The following GREB1 variants were observed in gnomAD, a reference collection of about 807,000 sequenced individuals.
GREB1 encodes the protein growth regulating estrogen receptor binding 1, also known as protein GREB1.
In GREB1, 106 loss-of-function variants were observed where a neutral mutation model predicts 200.7. The ratio of observed to expected loss-of-function variants is 0.53; its 90% confidence interval spans 0.45 to 0.62. The LOEUF (loss-of-function observed/expected upper bound fraction) is 0.62, where lower values mean the gene tolerates loss of function less well. Among genes scored for constraint, GREB1 ranks in the 20% least tolerant of loss-of-function variants. The pLI, the probability that GREB1 is intolerant of heterozygous loss-of-function variation, is 0.00. For missense variants in GREB1, 2,243 were observed against 2,556.8 expected (o/e 0.88, Z 2.65); for synonymous variants, 1,132 against 1,092.4 (o/e 1.04, Z -0.72).
intron 1 of GREB1, among the ~76,000 whole-genome samples, chr2:11,551,261 C>T (rs1412972119): frequency 1.3e-5 from 2 of 152,208 alleles, no homozygotes; most frequent in African/African-American, 4.8e-5. Flanking sequence ...CACATCTGAT[C>T]ACCTCCCATG....
At chr2:11,615,611 C>G (rs1210089661) in intron 20 of GREB1, among the ~76,000 whole-genome samples, 1 of 152,158 alleles carries the variant, frequency 6.6e-6, no homozygotes, top group Non-Finnish European at 1.5e-5. Context: ...AGTTCAAGTT[C>G]AAAATTTCTT....
intron 1 of GREB1, among the ~76,000 whole-genome samples, chr2:11,495,366 C>T (rs1672857638): frequency 6.6e-6 from 1 of 152,040 alleles, no homozygotes; most frequent in African/African-American, 2.4e-5. Context: ...TATGAACCTG[C>T]CATTTTTGTA....
chr2:11,550,404 G>A (rs1023513570), intron 1 of GREB1, among the ~76,000 whole-genome samples: 1 of 152,152 alleles, frequency 6.6e-6, no homozygotes, highest in African/African-American at 2.4e-5. Flanking sequence ...GGGACATTGC[G>A]TCATTTGAGT....
intron 19 of GREB1, among the ~76,000 whole-genome samples, chr2:11,614,532 A>G (rs1683221160): frequency 6.6e-6 from 1 of 152,008 alleles, no homozygotes; most frequent in Non-Finnish European, 1.5e-5. Context: ...AGCAGAGCTC[A>G]GGTTCAAGCC....
intron 1 of GREB1, among the ~76,000 whole-genome samples, chr2:11,551,327 T>C (rs1297697940): frequency 6.6e-6 from 1 of 152,240 alleles, no homozygotes; most frequent in Non-Finnish European, 1.5e-5. Flanking sequence ...AGCAACTTTT[T>C]GTGCCTCACT....
intron 1 of GREB1, among the ~76,000 whole-genome samples, chr2:11,504,868 G>A (rs1228030392): frequency 6.6e-6 from 1 of 152,158 alleles, no homozygotes; most frequent in African/African-American, 2.4e-5. Context: ...AGCACTTTGG[G>A]CCACCTTATT....
At position 11,603,393 on chromosome 2, in the gene GREB1, T is replaced by G. The variant is rs147784713; in HGVS notation, c.2666+851T>G. On this transcript the variant is annotated intron_variant, in intron 17 of 32. Coordinates refer to ENST00000381486, the MANE Select transcript of GREB1 (RefSeq NM_014668.4). ...TTAGACATATCCTTCTCAAGCTATG[T>G]TCCAAGGTATACTGCTTTGGCTGGA... 5.8e-3 allele frequency among the ~76,000 whole-genome samples: 883 copies of G among 152,348 alleles called. 9 individuals are homozygous for G. Among genetic ancestry groups the G allele is most frequent in the African/African-American group, 0.02 (822 of 41,590 alleles).
intron 8 of GREB1, 133 bp from the exon 9 acceptor site, chr2:11,585,629 C>T (rs915329156): frequency 3.3e-6 from 3 of 915,670 alleles, no homozygotes; most frequent in Non-Finnish European, 1.7e-6. Flanking sequence ...ATCTGTGACT[C>T]TAAGAGTTTG....
At chr2:11,524,948 C>T (rs956136200) in intron 1 of GREB1, among the ~76,000 whole-genome samples, 7 of 152,162 alleles carry the variant, frequency 4.6e-5, no homozygotes, top group African/African-American at 1.7e-4. Flanking sequence ...GTAAAGCGGC[C>T]GTGTTCTTTT....
chr2:11,607,158 G>A (rs1319757600), intron 17 of GREB1, among the ~76,000 whole-genome samples: 3 of 151,762 alleles, frequency 2.0e-5, no homozygotes, highest in Admixed American at 6.6e-5. Context: ...ATCATAGTTC[G>A]TTGTAACCTC....
intron 1 of GREB1, among the ~76,000 whole-genome samples, chr2:11,518,295 C>T (rs775738429): frequency 2.9e-4 from 44 of 152,092 alleles, no homozygotes; most frequent in Middle Eastern, 3.2e-3. Context: ...TAAAAAAATT[C>T]GTGTATAGGA....
At chr2:11,623,057 G>A (rs765290259) in intron 23 of GREB1, among the ~76,000 whole-genome samples, 4 of 152,208 alleles carry the variant, frequency 2.6e-5, no homozygotes, top group South Asian at 2.1e-4. Context: ...TCCTTTGTGC[G>A]CATTTAAAAT....
In GREB1 at chr2:11,556,767, A is replaced by G; in HGVS notation, c.153A>G (p.Leu51=). 3 of 1,613,514 alleles carry G rather than the reference A, an allele frequency of 1.9e-6. No individual in the cohort carries two copies. Among genetic ancestry groups the G allele is most frequent in the Non-Finnish European group, 2.5e-6 (3 of 1,179,732 alleles). ...AAGCTGAGCAGCAGCTTGCCGCTCT[A>G]GAAGGTGGGAGACGCACGTTGCTTT... ...YLEAEQQLAA[L]EGGSRVDNEE... Residue 51 remains leucine (L), a synonymous_variant, in exon 2 of 33, where the codon CTA becomes CTG. Coordinates refer to ENST00000381486, the MANE Select transcript of GREB1 (RefSeq NM_014668.4).
Position 11,585,213 on chromosome 2 carries a change from A to G in GREB1, c.954A>G (p.Pro318=). 1 of 1,588,200 alleles carries G rather than the reference A, an allele frequency of 6.3e-7. No homozygotes were observed. Among genetic ancestry groups the G allele is most frequent in the African/African-American group, 1.4e-5 (1 of 73,792 alleles). ...PPKKRHKGWS[P]ESPSAPDGGC... is the part of the protein sequence containing the mutation. ...AAAAACGCCACAAAGGGTGGTCTCC[A>G]GAATCTCCATCAGCTCCAGATGGTG... The change falls in exon 8 of 33, where the codon CCA becomes CCG. Residue 318 remains proline (P), a synonymous_variant. Coordinates refer to ENST00000381486, the MANE Select transcript of GREB1 (RefSeq NM_014668.4).
At chr2:11,637,141 C>T (rs2148453471) in intron 30 of GREB1, among the ~76,000 whole-genome samples, 1 of 147,704 alleles carries the variant, frequency 6.8e-6, no homozygotes, top group Middle Eastern at 3.6e-3. Flanking sequence ...AGGGTAGGAG[C>T]GAGGAGGTCG....
chr2:11,576,793 A>T (rs4668732), intron 5 of GREB1, among the ~76,000 whole-genome samples: 108,081 of 152,130 alleles, frequency 0.71, 39,342 homozygotes, highest in African/African-American at 0.88. Flanking sequence ...CCCAGCACTT[A>T]GGGAGGCTGA....
rs1018932923 is a variant in GREB1, at chr2:11,634,349, G to A, written c.5210G>A (p.Arg1737Gln). The A allele has an allele frequency of 5.6e-6, 9 of 1,611,352 alleles. No individual in the cohort carries two copies. Among genetic ancestry groups the A allele is most frequent in the South Asian group, 4.4e-5 (4 of 90,920 alleles). ...CAGAACGTGCAGTACAACCAGAACC[G>A]GTGAGCTCCTGCACCTGGGGCAGAG... is the stretch of plus-strand genomic sequence containing the variant. Reference protein sequence around the residue: ...LTQNVQYNQNRFLCDDVDFNL... With the variant: ...LTQNVQYNQNQFLCDDVDFNL... The change falls in exon 29 of 33, where the codon CGG (arginine) becomes CAG (glutamine). Residue 1737 changes from arginine to glutamine, a missense_variant and splice_region_variant. By Grantham distance (43) the Arg-to-Gln change is conservative (BLOSUM62 1). Coordinates refer to ENST00000381486, the MANE Select transcript of GREB1 (RefSeq NM_014668.4).
intron 4 of GREB1, among the ~76,000 whole-genome samples, chr2:11,572,978 G>A (rs1408520064): frequency 6.6e-6 from 1 of 152,138 alleles, no homozygotes; most frequent in African/African-American, 2.4e-5. Flanking sequence ...TTTATAATGT[G>A]CTTGGCACAG....
intron 1 of GREB1, among the ~76,000 whole-genome samples, chr2:11,520,125 G>A (rs1558498227): frequency 6.6e-6 from 1 of 152,134 alleles, no homozygotes; most frequent in Non-Finnish European, 1.5e-5. Flanking sequence ...GAGACAGAGT[G>A]AGACCCTGTC....
Sources: allele counts gnomAD v4.1 joint callset (sites outside exome capture counted in the v4.1 genomes callset), GRCh38; gene constraint gnomAD v4.1.1; transcripts MANE v1.5; gene names NCBI Gene and HGNC (gene_info 2026-07-23, HGNC 2026-07-21).